PARD3: variants seen among roughly 807,000 people sequenced by gnomAD.
The protein encoded by PARD3 is par-3 family cell polarity regulator.
PARD3 carries 75 observed loss-of-function variants against 155.4 expected under a neutral mutation model. The observed-to-expected ratio is 0.48, with a 90% CI of 0.40 to 0.58. PARD3 has a LOEUF of 0.58. PARD3 is among the 20% of genes least tolerant of loss of function. PARD3 has a pLI of 0.00. For synonymous variants in PARD3, 576 were observed against 610.5 expected (o/e 0.94, Z 0.83); for missense variants, 1,642 against 1,721.7 (o/e 0.95, Z 0.82).
At chr10:34,809,157 A>C (rs1211907897) in intron 1 of PARD3, among the ~76,000 whole-genome samples, 1 of 152,210 alleles carries the variant, frequency 6.6e-6, no homozygotes, top group Admixed American at 6.5e-5. Flanking sequence ...CAAACACACC[A>C]AACCTTAAAG....
At chr10:34,691,344 T>C (rs533304804) in intron 2 of PARD3, among the ~76,000 whole-genome samples, 3 of 152,182 alleles carry the variant, frequency 2.0e-5, no homozygotes, top group Non-Finnish European at 2.9e-5. Context: ...CCATTCCCAA[T>C]AGCCACAAAA....
intron 2 of PARD3, among the ~76,000 whole-genome samples, chr10:34,621,752 T>G (rs2091691162): frequency 6.6e-6 from 1 of 152,356 alleles, no homozygotes; most frequent in African/African-American, 2.4e-5. Context: ...TAAACACAAA[T>G]GCAATTACAT....
chr10:34,140,387 A>G (rs1050709292), intron 22 of PARD3, among the ~76,000 whole-genome samples: 2 of 152,186 alleles, frequency 1.3e-5, no homozygotes, highest in Non-Finnish European at 2.9e-5. Context: ...ACGTTCTCCC[A>G]CGGTACCTGT....
chr10:34,362,201 A>C (rs2134517101), intron 12 of PARD3, among the ~76,000 whole-genome samples: 1 of 152,304 alleles, frequency 6.6e-6, no homozygotes, highest in South Asian at 2.1e-4. Flanking sequence ...TGGGAGGCTG[A>C]GGCAGGAGAA....
At chr10:34,632,877 C>T (rs1174007732) in intron 2 of PARD3, among the ~76,000 whole-genome samples, 1 of 152,046 alleles carries the variant, frequency 6.6e-6, no homozygotes, top group Non-Finnish European at 1.5e-5. Context: ...TCTTTACTTC[C>T]CGTTGGCTTA....
chr10:34,598,596 T>G (rs2089497779), intron 2 of PARD3, among the ~76,000 whole-genome samples: 2 of 152,208 alleles, frequency 1.3e-5, no homozygotes, highest in Non-Finnish European at 2.9e-5. Context: ...TCCAAAACAT[T>G]TATTAAGCTG....
intron 1 of PARD3, among the ~76,000 whole-genome samples, chr10:34,805,984 C>CA (rs1286889238): frequency 6.0e-4 from 87 of 144,978 alleles, no homozygotes; most frequent in African/African-American, 1.7e-3. Flanking sequence ...CTCAAAAAGA[C>CA]AAAAAAAAAG....
intron 1 of PARD3, among the ~76,000 whole-genome samples, chr10:34,806,713 G>A (rs565190127): frequency 7.2e-5 from 11 of 152,316 alleles, no homozygotes; most frequent in Admixed American, 6.5e-4. Flanking sequence ...AGTTGGGGGG[G>A]TCGGGGTGAG....
chr10:34,618,610 T>C (rs553498901), intron 2 of PARD3, among the ~76,000 whole-genome samples: 5 of 152,254 alleles, frequency 3.3e-5, no homozygotes, highest in South Asian at 2.1e-4. Flanking sequence ...ACTGAACTAA[T>C]GGTATGTATC....
chr10:34,212,678 G>T (rs1051937318), intron 22 of PARD3, among the ~76,000 whole-genome samples: 1 of 151,824 alleles, frequency 6.6e-6, no homozygotes, highest in African/African-American at 2.4e-5. Flanking sequence ...GGTTCTGAGG[G>T]GGGCAAAGGC....
At chr10:34,145,221 ATTTTTTT>A (rs57442429) in intron 22 of PARD3, among the ~76,000 whole-genome samples, 102 of 33,942 alleles carry the variant, frequency 3.0e-3, no homozygotes, top group African/African-American at 6.7e-3. Flanking sequence ...ATATATATAT[ATTTTTTT>A]TTTTTTTTTT....
chr10:34,432,391 T>A (rs1341690038), intron 5 of PARD3, among the ~76,000 whole-genome samples: 1 of 147,298 alleles, frequency 6.8e-6, no homozygotes, highest in East Asian at 2.0e-4. Flanking sequence ...AGTAAAGGTA[T>A]AATATATAGT....
chr10:34,177,468 A>T (rs1198242937), intron 22 of PARD3, among the ~76,000 whole-genome samples: 1 of 152,208 alleles, frequency 6.6e-6, no homozygotes, highest in Non-Finnish European at 1.5e-5. Flanking sequence ...CATCAGCCAG[A>T]TTTCAAAATG....
intron 2 of PARD3, among the ~76,000 whole-genome samples, chr10:34,669,462 G>C (rs1054199400): frequency 5.3e-5 from 8 of 152,046 alleles, no homozygotes; most frequent in East Asian, 1.9e-4. Flanking sequence ...AGGATGGGAG[G>C]GGGTGAAGGA....
intron 2 of PARD3, among the ~76,000 whole-genome samples, chr10:34,693,596 C>A (rs368937789): frequency 1.3e-5 from 2 of 152,108 alleles, no homozygotes; most frequent in African/African-American, 4.8e-5. Context: ...AAAAAATTAG[C>A]CTATTGGGTA....
chr10:34,359,231 G>A lies in PARD3; in HGVS notation c.1983C>T (p.Thr661=), dbSNP rs762382639. Residue 661 remains threonine (T), a synonymous_variant, in exon 14 of 25, where the codon ACC becomes ACT. Transcript: ENST00000374788. ...CTTCAGTAGACATAGACCTTCTTAG[G>A]GTTTCCATGGCATCTTGGTTTGTCT... The part of the protein sequence containing the change: ...LGKTNQDAME[T]LRRSMSTEGN... 1 of 1,613,286 alleles carries A rather than the reference G, an allele frequency of 6.2e-7. No homozygotes were observed. The highest frequency in any genetic ancestry group is 8.5e-7 in the Non-Finnish European group (1 of 1,179,526).
chr10:34,648,015 G>T (rs1590394886), intron 2 of PARD3, among the ~76,000 whole-genome samples: 1 of 152,276 alleles, frequency 6.6e-6, no homozygotes, highest in Non-Finnish European at 1.5e-5. Context: ...CTAGACAGGA[G>T]TCCAACATAC....
At chr10:34,125,396 C>T (rs1947232164) in intron 23 of PARD3, among the ~76,000 whole-genome samples, 1 of 152,160 alleles carries the variant, frequency 6.6e-6, no homozygotes, top group African/African-American at 2.4e-5. Context: ...AGGTGATTTC[C>T]ACCCAACTAG....
chr10:34,435,937 T>C (rs939667314), intron 5 of PARD3, among the ~76,000 whole-genome samples: 6 of 152,188 alleles, frequency 3.9e-5, no homozygotes, highest in Admixed American at 3.9e-4. Context: ...CTTGTCCTTT[T>C]TCTGTCCCCG....
Sources: gnomAD v4.1 joint callset for allele counts (sites outside exome capture counted in the v4.1 genomes callset) on GRCh38, gnomAD v4.1.1 for gene constraint, MANE v1.5 for transcripts, NCBI Gene and HGNC (gene_info 2026-07-23, HGNC 2026-07-21) for gene names.